The following ATP8B1 variants were observed in gnomAD, a reference collection of about 807,000 sequenced individuals.
The protein encoded by ATP8B1 is phospholipid-transporting ATPase IC.
A neutral mutation model predicts 149.9 loss-of-function variants in ATP8B1; 80 were observed. The observed-to-expected ratio is 0.53, with a 90% CI of 0.45 to 0.64. The LOEUF (loss-of-function observed/expected upper bound fraction) is 0.64. Among genes scored for constraint, ATP8B1 ranks in the 30% least tolerant of loss-of-function variants. The pLI, the probability that ATP8B1 is intolerant of heterozygous loss-of-function variation, is 0.00. For missense variants in ATP8B1, 1,247 were observed against 1,552.6 expected (o/e 0.80, Z 3.31); for synonymous variants, 536 against 562.8 (o/e 0.95, Z 0.67).
At chr18:57,718,122 A>G (rs1354443093) in intron 2 of ATP8B1, among the ~76,000 whole-genome samples, 3 of 150,608 alleles carry the variant, frequency 2.0e-5, no homozygotes, top group Non-Finnish European at 3.0e-5. Context: ...AAAAAAAAAA[A>G]AAAAGCAAAA....
At chr18:57,680,173 A>C (rs1476246463) in intron 15 of ATP8B1, among the ~76,000 whole-genome samples, 1 of 147,054 alleles carries the variant, frequency 6.8e-6, no homozygotes, top group Non-Finnish European at 1.5e-5. Flanking sequence ...GCTACTCGGG[A>C]GGCTGAGGCA....
At chr18:57,686,256 C>G (rs1373131543) in intron 13 of ATP8B1, among the ~76,000 whole-genome samples, 1 of 152,098 alleles carries the variant, frequency 6.6e-6, no homozygotes, top group East Asian at 1.9e-4. Flanking sequence ...GAGTGAGACA[C>G]TGTCTCAAAA....
chr18:57,656,887 A>G (rs1910039796), intron 22 of ATP8B1, among the ~76,000 whole-genome samples: 1 of 151,680 alleles, frequency 6.6e-6, no homozygotes, highest in Non-Finnish European at 1.5e-5. Context: ...AGACAGACAG[A>G]CACGGGGTTC....
At chr18:57,791,279 C>T (rs186514472) in intron 1 of ATP8B1, among the ~76,000 whole-genome samples, 20 of 151,966 alleles carry the variant, frequency 1.3e-4, no homozygotes, top group Non-Finnish European at 1.5e-4. Flanking sequence ...TTTCATTTAG[C>T]ATAATGTCTT....
intron 26 of ATP8B1, among the ~76,000 whole-genome samples, chr18:57,651,116 C>CT (rs1022149962): frequency 2.6e-5 from 4 of 151,900 alleles, no homozygotes; most frequent in Non-Finnish European, 4.4e-5. Flanking sequence ...AGACTTCTGA[C>CT]TTTTTTTTGA....
At chr18:57,665,704 CA>C (rs1331173141) in intron 20 of ATP8B1, among the ~76,000 whole-genome samples, 2 of 152,072 alleles carry the variant, frequency 1.3e-5, no homozygotes, top group African/African-American at 2.4e-5. Flanking sequence ...AGGCACATGC[CA>C]CCATGCCTGG....
At chr18:57,730,469 G>A (rs2079751260) in intron 2 of ATP8B1, among the ~76,000 whole-genome samples, 1 of 152,164 alleles carries the variant, frequency 6.6e-6, no homozygotes, top group Non-Finnish European at 1.5e-5. Context: ...AATATTTTCA[G>A]CCTGATATCA....
chr18:57,719,277 C>G (rs1456827352), intron 2 of ATP8B1, among the ~76,000 whole-genome samples: 2 of 152,218 alleles, frequency 1.3e-5, no homozygotes, highest in African/African-American at 2.4e-5. Context: ...CGAATAGGAA[C>G]AGCTCCGGTC....
At chr18:57,693,974 G>T (rs1342579616) in intron 11 of ATP8B1, among the ~76,000 whole-genome samples, 2 of 152,136 alleles carry the variant, frequency 1.3e-5, no homozygotes, top group Non-Finnish European at 2.9e-5. Context: ...TTGGAAGCTT[G>T]TGCCTGGTTT....
At chr18:57,696,744 G>A (rs1284712252) in intron 8 of ATP8B1, among the ~76,000 whole-genome samples, 3 of 152,168 alleles carry the variant, frequency 2.0e-5, no homozygotes, top group Non-Finnish European at 4.4e-5. Context: ...GCGGGCTGCT[G>A]CACCTCCCTG....
rs1048166466 is a variant in ATP8B1 at position 57,802,671 on chromosome 18, C to A, written c.-26+327G>T. Among the ~76,000 whole-genome samples, 1 of 152,242 alleles carries A rather than the reference C, an allele frequency of 6.6e-6. No individual in the cohort carries two copies. Among genetic ancestry groups the A allele is most frequent in the African/African-American group, 2.4e-5 (1 of 41,472 alleles). ...GAGCCGCAAGCCCTACCTGGCTTAA[C>A]CCCCGGACATGTGTGTCGCTACCGA... On this transcript the variant is annotated intron_variant, in intron 1 of 27. Coordinates refer to ENST00000648908, the MANE Select transcript of ATP8B1 (RefSeq NM_001374385.1). This position sits in a 1 kb window ranked among gnomAD's most constrained non-coding sequence, Gnocchi z 4.9.
At chr18:57,756,307 A>ATATG in intron 1 of ATP8B1, among the ~76,000 whole-genome samples, 1 of 141,670 alleles carries the variant, frequency 7.1e-6, no homozygotes, top group East Asian at 2.0e-4. Context: ...GTATGTATAT[A>ATATG]TATATATATT....
At chr18:57,693,896 C>T (rs1339557653) in intron 11 of ATP8B1, among the ~76,000 whole-genome samples, 6 of 152,032 alleles carry the variant, frequency 3.9e-5, no homozygotes, top group Admixed American at 6.6e-5. Flanking sequence ...TCATTAATTG[C>T]TGCTGGGAGA....
intron 2 of ATP8B1, among the ~76,000 whole-genome samples, chr18:57,730,864 G>A (rs1049505071): frequency 6.6e-6 from 1 of 150,972 alleles, no homozygotes; most frequent in Non-Finnish European, 1.5e-5. Flanking sequence ...CATACACAAG[G>A]ATGGTTATTT....
chr18:57,748,318 G>A (rs1270397295), intron 1 of ATP8B1, among the ~76,000 whole-genome samples: 4 of 152,106 alleles, frequency 2.6e-5, no homozygotes, highest in Non-Finnish European at 4.4e-5. Context: ...ACATATAAGG[G>A]GTAACCAGAA....
At chr18:57,697,228 A>G (rs535212895) in intron 8 of ATP8B1, among the ~76,000 whole-genome samples, 1 of 152,062 alleles carries the variant, frequency 6.6e-6, no homozygotes, top group Admixed American at 6.6e-5. Flanking sequence ...GCACCACTAC[A>G]CTCCAGCCTG....
intron 15 of ATP8B1, among the ~76,000 whole-genome samples, chr18:57,676,717 C>CAAAAAAAAAAA (rs58101846): frequency 5.4e-5 from 5 of 92,220 alleles, no homozygotes; most frequent in African/African-American, 1.7e-4. Context: ...GACTCCATTT[C>CAAAAAAAAAAA]AAAAAAAAAA....
At chr18:57,694,475 C>A (rs1284319212) in intron 11 of ATP8B1, 107 bp downstream of exon 11, 3 of 784,192 alleles carry the variant, frequency 3.8e-6, no homozygotes, top group South Asian at 1.6e-5. Context: ...AATAATTTTT[C>A]TATTCCACCT....
intron 18 of ATP8B1, chr18:57,668,757 T>G (rs1231715210): frequency 6.0e-6 from 3 of 502,700 alleles, no homozygotes; most frequent in Non-Finnish European, 1.0e-5. Flanking sequence ...AAGGATGAAC[T>G]ATTTAATTTA....
Sources: gnomAD v4.1 joint callset for allele counts (sites outside exome capture counted in the v4.1 genomes callset) on GRCh38, gnomAD v4.1.1 for gene constraint, Gnocchi (gnomAD v3.1) non-coding constraint, MANE v1.5 for transcripts, NCBI Gene and HGNC (gene_info 2026-07-23, HGNC 2026-07-21) for gene names.